Variants in GABARAPL2 observed in about 807,000 individuals in gnomAD.
The protein encoded by GABARAPL2 is gamma-aminobutyric acid receptor-associated protein-like 2.
In GABARAPL2, 11 loss-of-function variants were observed where a neutral mutation model predicts 16.9. That is an observed-to-expected ratio of 0.65 (90% CI 0.41 to 1.08). The LOEUF (loss-of-function observed/expected upper bound fraction) is 1.08. GABARAPL2 is among the 50% of genes least tolerant of loss of function. The probability of loss-of-function intolerance (pLI) is 0.00; values close to 1 mark genes in which losing one functional copy is unlikely to be tolerated. For synonymous variants in GABARAPL2, 57 were observed against 50.7 expected (o/e 1.12, Z -0.53); for missense variants, 134 against 142.5 (o/e 0.94, Z 0.30).
intron 3 of GABARAPL2, chr16:75,572,291 TCCACCTC>T (rs1486605152): frequency 1.3e-5 from 2 of 152,266 alleles, no homozygotes; most frequent in Non-Finnish European, 2.9e-5. Context: ...TCACTGCCCT[TCCACCTC>T]CCACCACCCA....
chr16:75,568,048 A>G lies in GABARAPL2; in HGVS notation c.102A>G (p.Glu34=). The G allele has an allele frequency of 6.2e-7, 1 of 1,602,430 alleles. No homozygotes were observed. Among genetic ancestry groups the G allele is most frequent in the Non-Finnish European group, 8.5e-7 (1 of 1,170,890 alleles). The change falls in exon 3 of 4, where the codon GAA becomes GAG. Residue 34 remains glutamate (E), a synonymous_variant. Coordinates refer to ENST00000037243, the MANE Select transcript of GABARAPL2 (RefSeq NM_007285.7). The stretch of plus-strand genomic sequence containing the variant: ...CTTTACTTTCCCAGGTGATTGTGGA[A>G]AAGGTCTCAGGCTCTCAGATTGTTG... ...KYPDRVPVIV[E]KVSGSQIVDI...
At chr16:75,577,140 C>T (rs993896925) in intron 3 of GABARAPL2, 139 bp from the exon 4 acceptor site, 1 of 604,070 alleles carries the variant, frequency 1.7e-6, no homozygotes. Flanking sequence ...GCTCCTTTCT[C>T]TTGCTTTAAA....
At chr16:75,572,813 G>T (rs929907073) in intron 3 of GABARAPL2, 23 of 152,284 alleles carry the variant, frequency 1.5e-4, no homozygotes, top group African/African-American at 5.5e-4. Flanking sequence ...CTTGGAAGGT[G>T]GCAGTGCTTC....
chr16:75,566,906 C>G lies in GABARAPL2; in HGVS notation c.89C>G (p.Pro30Arg). 6.2e-7 allele frequency: 1 copy of G among 1,612,158 alleles called. No homozygotes were observed. Among genetic ancestry groups the G allele is most frequent in the Admixed American group, 1.7e-5 (1 of 60,024 alleles). Residue 30 changes from proline (P) to arginine (R), a missense_variant and splice_region_variant, in exon 2 of 4, where the codon CCG (proline) becomes CGG (arginine). Pro to Arg is a moderately radical substitution (Grantham distance 103). Transcript: ENST00000037243. Reference sequence around the variant, plus strand: ...CGAGCGAAATATCCCGACAGGGTTCCGGTGAGTGGACTCTCCGCCCCCTCA... The same window carrying G: ...CGAGCGAAATATCCCGACAGGGTTCGGGTGAGTGGACTCTCCGCCCCCTCA... ...KIRAKYPDRV[P>R]VIVEKVSGSQ...
intron 3 of GABARAPL2, among the ~76,000 whole-genome samples, chr16:75,569,102 C>G (rs1323118348): frequency 2.0e-5 from 3 of 152,188 alleles, no homozygotes; most frequent in Non-Finnish European, 4.4e-5. Context: ...TGGGAACTAG[C>G]CCAATGTTGT....
chr16:75,568,026 T>G lies in GABARAPL2; in HGVS notation c.91-11T>G. 6.3e-7 allele frequency: 1 copy of G among 1,593,716 alleles called. No individual in the cohort carries two copies. The highest frequency in any genetic ancestry group is 8.6e-7 in the Non-Finnish European group (1 of 1,164,084). On this transcript the variant is annotated splice_polypyrimidine_tract_variant and intron_variant, in intron 2 of 3. Transcript: ENST00000037243. ...AGGAAACACAGTCCTGACCTCTCTT[T>G]ACTTTCCCAGGTGATTGTGGAAAAG...
chr16:75,569,091 C>G (rs1384721017), intron 3 of GABARAPL2, among the ~76,000 whole-genome samples: 1 of 152,218 alleles, frequency 6.6e-6, no homozygotes, highest in African/African-American at 2.4e-5. Context: ...CTCAGAAGCC[C>G]TGGGAACTAG....
intron 3 of GABARAPL2, chr16:75,572,496 C>G (rs1321489453): frequency 2.6e-5 from 4 of 152,312 alleles, no homozygotes; most frequent in African/African-American, 9.6e-5. Context: ...CCATACAGTT[C>G]TAGGTCAGCC....
chr16:75,567,362 T>A (rs2080890220), intron 2 of GABARAPL2, among the ~76,000 whole-genome samples: 1 of 152,218 alleles, frequency 6.6e-6, no homozygotes, highest in Non-Finnish European at 1.5e-5. Flanking sequence ...ACCAAAATAA[T>A]GTGAAAAGCC....
intron 3 of GABARAPL2, chr16:75,577,034 G>A (rs2080953698): frequency 2.6e-6 from 1 of 387,318 alleles, no homozygotes; most frequent in East Asian, 4.7e-5. Flanking sequence ...GCCAGCCAAA[G>A]CCCCCTGAAG....
Position 75,568,161 on chromosome 16 carries a change from C to G in GABARAPL2, c.215C>G (p.Ser72Cys). 2 of 1,613,220 alleles carry G rather than the reference C, an allele frequency of 1.2e-6. No individual in the cohort carries two copies. The highest frequency in any genetic ancestry group is 1.7e-6 in the Non-Finnish European group (2 of 1,179,212). Reference sequence around the variant, plus strand: ...ATCAGGAAAAGGATCCAGCTTCCTTCTGAAAAGGCGATCTTCCTGTTTGTG... The same window carrying G: ...ATCAGGAAAAGGATCCAGCTTCCTTGTGAAAAGGCGATCTTCCTGTTTGTG... ...WIIRKRIQLP[S>C]EKAIFLFVDK... Residue 72 changes from serine to cysteine, a missense_variant, in exon 3 of 4, where the codon TCT (serine) becomes TGT (cysteine). Ser to Cys is a moderately radical substitution (Grantham distance 112). Coordinates refer to ENST00000037243, the MANE Select transcript of GABARAPL2 (RefSeq NM_007285.7).
intron 2 of GABARAPL2, 97 bp downstream of exon 2, chr16:75,567,004 C>T (rs2080888023): frequency 9.4e-7 from 1 of 1,067,088 alleles, no homozygotes; most frequent in Non-Finnish European, 1.4e-6. Flanking sequence ...AGTTGAGGTT[C>T]CAGTCCCAGT....
At chr16:75,566,759 G>C (rs1287659288) in intron 1 of GABARAPL2, 93 bp from the exon 2 acceptor site, 1 of 1,256,232 alleles carries the variant, frequency 8.0e-7, no homozygotes, top group Non-Finnish European at 1.2e-6. Context: ...CCAGGGCCTG[G>C]GTTGTACGCA....
At chr16:75,575,934 G>C (rs182987594) in intron 3 of GABARAPL2, 1 of 152,134 alleles carries the variant, frequency 6.6e-6, no homozygotes, top group East Asian at 1.9e-4. Context: ...CTGAAGCCTT[G>C]TTTATGTTTT....
At chr16:75,573,556 T>A (rs144397462) in intron 3 of GABARAPL2, among the ~76,000 whole-genome samples, 1 of 152,360 alleles carries the variant, frequency 6.6e-6, no homozygotes, top group East Asian at 1.9e-4. Flanking sequence ...GATTCTTAAG[T>A]TCTTACGCAC....
At position 75,568,229 on chromosome 16, in the gene GABARAPL2, T is replaced by A. The variant is rs776620797; in HGVS notation, c.263+20T>A. 4.5e-6 allele frequency: 7 copies of A among 1,548,126 alleles called. No individual in the cohort carries two copies. ...GTCCAGGTGAGAGGTGTTTACTAGA[T>A]GGGCCCTCTGGTATTAGACATCTGG... On this transcript the variant is annotated intron_variant, in intron 3 of 3. Transcript: ENST00000037243.
chr16:75,576,563 T>C (rs1383591050), intron 3 of GABARAPL2: 1 of 152,212 alleles, frequency 6.6e-6, no homozygotes, highest in Non-Finnish European at 1.5e-5. Flanking sequence ...TCTCAGAGAG[T>C]ACAGTCACGG....
intron 3 of GABARAPL2, among the ~76,000 whole-genome samples, chr16:75,571,892 G>T (rs778332165): frequency 2.6e-5 from 4 of 152,016 alleles, no homozygotes; most frequent in Non-Finnish European, 5.9e-5. Context: ...GGCCAGGCTG[G>T]TCTCTTAACT....
At chr16:75,570,162 CTG>C (rs2080906884) in intron 3 of GABARAPL2, among the ~76,000 whole-genome samples, 1 of 152,184 alleles carries the variant, frequency 6.6e-6, no homozygotes, top group African/African-American at 2.4e-5. Flanking sequence ...GTGGTGCAAT[CTG>C]AGCTCACTAC....
Sources: allele counts gnomAD v4.1 joint callset (sites outside exome capture counted in the v4.1 genomes callset), GRCh38; gene constraint gnomAD v4.1.1; transcripts MANE v1.5; gene names NCBI Gene and HGNC (gene_info 2026-07-23, HGNC 2026-07-21).